The following SEC22A variants were observed in gnomAD, a reference collection of about 807,000 sequenced individuals.
The protein encoded by SEC22A is SEC22 homolog A, vesicle trafficking protein.
In SEC22A, 22 loss-of-function variants were observed where a neutral mutation model predicts 35.3. That is an observed-to-expected ratio of 0.62 (90% CI 0.45 to 0.89). SEC22A has a LOEUF of 0.89. Ranked by LOEUF, SEC22A falls within the 40% of genes least tolerant of loss-of-function variation. The probability of loss-of-function intolerance (pLI) is 0.00; values close to 1 mark genes in which losing one functional copy is unlikely to be tolerated. For synonymous variants in SEC22A, 119 were observed against 129.5 expected (o/e 0.92, Z 0.55); for missense variants, 354 against 362.5 (o/e 0.98, Z 0.19).
At chr3:123,230,721 A>T (rs1474136094) in intron 4 of SEC22A, among the ~76,000 whole-genome samples, 1 of 148,564 alleles carries the variant, frequency 6.7e-6, no homozygotes, top group African/African-American at 2.5e-5. Flanking sequence ...AAAAAAAAAA[A>T]GTGAAGGAGG....
rs1258688358 is a variant in SEC22A at position 123,209,366 on chromosome 3, G to T, written c.149G>T (p.Arg50Ile). ...LSRKLAQLPD[R>I]CTLKTGHYNI... ...AGGAAACTTGCTCAACTTCCTGATA[G>T]ATGTACACTGAAAACTGGACATTAT... The change falls in exon 2 of 7, where the codon AGA (arginine) becomes ATA (isoleucine). Residue 50 changes from arginine to isoleucine, a missense_variant. Physicochemically the swap from Arg to Ile is moderately conservative, Grantham distance 97. Coordinates refer to ENST00000492595, the MANE Select transcript of SEC22A (RefSeq NM_012430.5). 3.7e-6 allele frequency: 6 copies of T among 1,613,812 alleles called. No homozygotes were observed. Among genetic ancestry groups the T allele is most frequent in the East Asian group, 4.5e-5 (2 of 44,856 alleles).
At chr3:123,237,411 C>T (rs578166261) in intron 4 of SEC22A, among the ~76,000 whole-genome samples, 158 of 152,294 alleles carry the variant, frequency 1.0e-3, no homozygotes, top group Non-Finnish European at 1.8e-3. Flanking sequence ...CAGTTGAAAC[C>T]TACAATCTGT....
intron 4 of SEC22A, among the ~76,000 whole-genome samples, chr3:123,242,078 G>C (rs1294613282): frequency 6.6e-6 from 1 of 151,812 alleles, no homozygotes; most frequent in Admixed American, 6.6e-5. Context: ...TCTTCTTGAT[G>C]GTCTCTCCTT....
intron 2 of SEC22A, among the ~76,000 whole-genome samples, chr3:123,210,290 G>A (rs920873361): frequency 6.6e-6 from 1 of 152,180 alleles, no homozygotes; most frequent in East Asian, 1.9e-4. Flanking sequence ...GGGTAGTAAT[G>A]AATAGAAGTA....
At chr3:123,223,435 A>G in intron 2 of SEC22A, 124 bp from the exon 3 acceptor site, 1 of 702,384 alleles carries the variant, frequency 1.4e-6, no homozygotes, top group Non-Finnish European at 2.3e-6. Flanking sequence ...AGAATATATA[A>G]TAAATGTTAA....
At chr3:123,241,575 C>T (rs1001408598) in intron 4 of SEC22A, among the ~76,000 whole-genome samples, 5 of 151,960 alleles carry the variant, frequency 3.3e-5, no homozygotes, top group Non-Finnish European at 5.9e-5. Flanking sequence ...TTCATTCCAC[C>T]TATGTATGTA....
At chr3:123,222,450 C>T (rs147129811) in intron 2 of SEC22A, among the ~76,000 whole-genome samples, 6,777 of 152,134 alleles carry the variant, frequency 0.045, 239 homozygotes, top group African/African-American at 0.096. Flanking sequence ...CCGCCCACCT[C>T]GGCCTCCCAA....
At chr3:123,221,278 C>T (rs1033405054) in intron 2 of SEC22A, among the ~76,000 whole-genome samples, 2 of 151,588 alleles carry the variant, frequency 1.3e-5, no homozygotes, top group Admixed American at 6.6e-5. Context: ...TGAGACCACC[C>T]TGGTCAACAT....
chr3:123,260,945 C>CGGTTCA (rs1937881539), intron 6 of SEC22A, among the ~76,000 whole-genome samples: 1 of 151,548 alleles, frequency 6.6e-6, no homozygotes, highest in South Asian at 2.1e-4. Flanking sequence ...ACGGCATTCT[C>CGGTTCA]CTGCCTCAGC....
rs184421529 is a variant in SEC22A at position 123,239,612 on chromosome 3, T to G, written c.542-6287T>G. Among the ~76,000 whole-genome samples the G allele has an allele frequency of 8.9e-3, 1,348 of 152,272 alleles. 9 individuals are homozygous for G. Among genetic ancestry groups the G allele is most frequent in the African/African-American group, 0.03 (1,265 of 41,534 alleles). ...AGCATTTTTTCATGTGTTTTTTGGC[T>G]GCATAAATGTCTTCTTTTGAGAAGT... On this transcript the variant is annotated intron_variant, in intron 4 of 6. Coordinates refer to ENST00000492595, the MANE Select transcript of SEC22A (RefSeq NM_012430.5).
At chr3:123,233,741 A>G (rs1448949897) in intron 4 of SEC22A, among the ~76,000 whole-genome samples, 3 of 152,160 alleles carry the variant, frequency 2.0e-5, no homozygotes. Context: ...AACTAACATT[A>G]TATCTAATGG....
intron 1 of SEC22A, among the ~76,000 whole-genome samples, chr3:123,207,444 T>A (rs1409251030): frequency 1.3e-5 from 2 of 152,220 alleles, no homozygotes; most frequent in African/African-American, 4.8e-5. Context: ...GAAAAATGCC[T>A]GTGAGATTTT....
At chr3:123,220,435 A>G (rs1012675527) in intron 2 of SEC22A, among the ~76,000 whole-genome samples, 1 of 152,220 alleles carries the variant, frequency 6.6e-6, no homozygotes, top group African/African-American at 2.4e-5. Flanking sequence ...ATCATTTGAC[A>G]AAGCATATTT....
chr3:123,213,031 T>C (rs1290324743), intron 2 of SEC22A, among the ~76,000 whole-genome samples: 3 of 152,170 alleles, frequency 2.0e-5, no homozygotes. Context: ...AGGAGTGGGA[T>C]AAATCAGCAG....
chr3:123,267,908 G>C (rs1242705750), intron 6 of SEC22A, among the ~76,000 whole-genome samples: 2 of 152,004 alleles, frequency 1.3e-5, no homozygotes, highest in Non-Finnish European at 2.9e-5. Context: ...TGGCCTCTGT[G>C]GTTTCTGATG....
chr3:123,214,591 CTG>C (rs1193409820), intron 2 of SEC22A, among the ~76,000 whole-genome samples: 1 of 152,028 alleles, frequency 6.6e-6, no homozygotes, highest in Non-Finnish European at 1.5e-5. Context: ...TTTCCTTAGA[CTG>C]TAATGAATTT....
At chr3:123,224,034 G>A (rs547125834) in intron 3 of SEC22A, among the ~76,000 whole-genome samples, 1 of 152,302 alleles carries the variant, frequency 6.6e-6, no homozygotes, top group South Asian at 2.1e-4. Context: ...TCTGCTTCAT[G>A]TAGAATAGGG....
chr3:123,269,901 G>A (rs1213129246), intron 6 of SEC22A, among the ~76,000 whole-genome samples: 1 of 151,274 alleles, frequency 6.6e-6, no homozygotes, highest in African/African-American at 2.4e-5. Context: ...CAAAGTGCTG[G>A]GATTACAGGT....
At chr3:123,234,656 G>T (rs1937384278) in intron 4 of SEC22A, among the ~76,000 whole-genome samples, 1 of 151,954 alleles carries the variant, frequency 6.6e-6, no homozygotes, top group African/African-American at 2.4e-5. Flanking sequence ...ACTTTTAGGA[G>T]AAAACATACA....
Sources: allele counts gnomAD v4.1 joint callset (sites outside exome capture counted in the v4.1 genomes callset), GRCh38; gene constraint gnomAD v4.1.1; transcripts MANE v1.5; gene names NCBI Gene and HGNC (gene_info 2026-07-23, HGNC 2026-07-21).